Variants in CERCAM observed in about 807,000 individuals in gnomAD.
The protein encoded by CERCAM is cerebral endothelial cell adhesion molecule.
CERCAM carries 59 observed loss-of-function variants against 66.0 expected under a neutral mutation model. That is an observed-to-expected ratio of 0.89 (90% CI 0.73 to 1.11). CERCAM has a LOEUF of 1.11. Among genes scored for constraint, CERCAM ranks in the 50% most tolerant of loss-of-function variants. The probability of loss-of-function intolerance (pLI) is 0.00; values close to 1 mark genes in which losing one functional copy is unlikely to be tolerated. For synonymous variants in CERCAM, 318 were observed against 343.6 expected (o/e 0.93, Z 0.83); for missense variants, 840 against 828.3 (o/e 1.01, Z -0.17).
At chr9:128,424,763 CTCTTT>C in intron 5 of CERCAM, 149 bp downstream of exon 5, 5 of 665,120 alleles carry the variant, frequency 7.5e-6, no homozygotes, top group African/African-American at 7.4e-5. Flanking sequence ...TCTTTTCTCT[CTCTTT>C]TTTTTTTTTT....
chr9:128,428,515 T>G (rs1196062305), intron 6 of CERCAM, 94 bp downstream of exon 6: 3 of 1,474,858 alleles, frequency 2.0e-6, no homozygotes, highest in Non-Finnish European at 2.8e-6. Flanking sequence ...GAGCGGGCAT[T>G]GGCCTTGGGG....
rs955351819 is a variant in CERCAM, at chr9:128,422,865, C to T, written c.198-3C>T. The stretch of plus-strand genomic sequence containing the variant: ...CCTCAGCCTTTTTTCTTCCCGTCCC[C>T]AGGTGTGCCACGGACCACAATGTGG... On this transcript the variant is annotated splice_region_variant and splice_polypyrimidine_tract_variant and intron_variant, in intron 1 of 12. Coordinates refer to ENST00000372838, the MANE Select transcript of CERCAM (RefSeq NM_016174.5). 11 of 1,613,904 alleles carry T rather than the reference C, an allele frequency of 6.8e-6. No homozygotes were observed.
At chr9:128,427,305 G>A (rs1369363083) in intron 5 of CERCAM, among the ~76,000 whole-genome samples, 1 of 151,924 alleles carries the variant, frequency 6.6e-6, no homozygotes, top group Non-Finnish European at 1.5e-5. Context: ...TAGAGATGGG[G>A]TTTCACCATG....
intron 3 of CERCAM, chr9:128,423,910 G>A: frequency 1.9e-6 from 1 of 531,602 alleles, no homozygotes; most frequent in Non-Finnish European, 3.3e-6. Context: ...CCAGATAAAG[G>A]TCTTAGATCA....
chr9:128,431,115 C>A lies in CERCAM; in HGVS notation c.1071-56C>A, dbSNP rs552277968. The A allele has an allele frequency of 9.0e-5, 144 of 1,598,750 alleles. No homozygotes were observed. The African/African-American group carries it at 1.6e-3, about 18-fold the overall frequency. ...GTCCCCAACATGCACAGGCCTGGCCCCTCTGGAGGGGTCTCTGGCAGGCAC... is the reference window on the plus strand; with the variant it reads ...GTCCCCAACATGCACAGGCCTGGCCACTCTGGAGGGGTCTCTGGCAGGCAC... On this transcript the variant is annotated intron_variant, in intron 8 of 12. Coordinates refer to ENST00000372838, the MANE Select transcript of CERCAM (RefSeq NM_016174.5).
At chr9:128,426,889 C>G (rs557795027) in intron 5 of CERCAM, among the ~76,000 whole-genome samples, 1 of 152,160 alleles carries the variant, frequency 6.6e-6, no homozygotes, top group South Asian at 2.1e-4. Flanking sequence ...AGAAATCTTA[C>G]CAAGTGCAAA....
At chr9:128,425,391 A>G (rs1833820635) in intron 5 of CERCAM, among the ~76,000 whole-genome samples, 2 of 152,198 alleles carry the variant, frequency 1.3e-5, no homozygotes, top group South Asian at 4.1e-4. Context: ...GGGTATGGCC[A>G]GGCAAGGTGA....
chr9:128,437,138 C>A lies in CERCAM; in HGVS notation c.*290C>A, dbSNP rs908377831. ...CTTCTGTTTCAAGCTGGGCAGACCC[C>A]AGGATCCCTTCCCTCCCTAAGGACT... On this transcript the variant is annotated 3_prime_UTR_variant, in exon 13 of 13. Coordinates refer to ENST00000372838, the MANE Select transcript of CERCAM (RefSeq NM_016174.5). The A allele has an allele frequency of 6.6e-6, 1 of 152,450 alleles. No individual in the cohort carries two copies. Among genetic ancestry groups the A allele is most frequent in the Admixed American group, 6.6e-5 (1 of 15,218 alleles). 9.4% of individuals were successfully genotyped at this position (152,450 alleles called of 1,614,324 possible). A position where few individuals can be genotyped will look rare whatever the true frequency, so the allele number is the denominator to read the frequency against.
chr9:128,424,322 A>G, intron 4 of CERCAM, 50 bp downstream of exon 4: 1 of 1,612,320 alleles, frequency 6.2e-7, no homozygotes, highest in Non-Finnish European at 8.5e-7. Context: ...GGAAGGAGGG[A>G]CGTGGAGAGC....
At chr9:128,423,043 G>A in intron 2 of CERCAM, 65 bp downstream of exon 2, 1 of 1,611,338 alleles carries the variant, frequency 6.2e-7, no homozygotes, top group Non-Finnish European at 8.5e-7. Flanking sequence ...AGAGGAAAAG[G>A]GACAGCCCAG....
chr9:128,428,870 T>C (rs1274742814), intron 7 of CERCAM, 37 bp downstream of exon 7: 4 of 1,606,232 alleles, frequency 2.5e-6, no homozygotes, highest in Non-Finnish European at 3.4e-6. Context: ...TGTTAGGAGG[T>C]GGATGGGCCC....
chr9:128,430,781 T>C (rs187938870), intron 8 of CERCAM: 4,085 of 165,388 alleles, frequency 0.025, 185 homozygotes, highest in African/African-American at 0.091. Flanking sequence ...TTTGGGAGGC[T>C]GAGGTGGGTG....
rs3174220 is a variant in CERCAM at position 128,431,240 on chromosome 9, G to A, written c.1140G>A (p.Ser380=). The part of the protein sequence containing the change: ...DLLPGYQDPY[S]GRTLTKGEVG... ...TCCCGGGCTACCAGGACCCTTACTC[G>A]GGCCGCACTCTGACCAAGGGCGAGG... The change falls in exon 9 of 13, where the codon TCG becomes TCA. Residue 380 remains serine, a synonymous_variant. Coordinates refer to ENST00000372838, the MANE Select transcript of CERCAM (RefSeq NM_016174.5). 0.012 allele frequency: 19,053 copies of A among 1,613,936 alleles called. 1,831 individuals carry two copies. The African/African-American group carries it at 0.22, about 18-fold the overall frequency.
chr9:128,435,727 C>G lies in CERCAM; in HGVS notation c.1610C>G (p.Thr537Ser). The G allele has an allele frequency of 6.2e-7, 1 of 1,613,664 alleles. No homozygotes were observed. The change falls in exon 12 of 13, where the codon ACC (threonine) becomes AGC (serine). Residue 537 changes from threonine to serine, a missense_variant. Thr to Ser is a moderately conservative substitution (Grantham distance 58, BLOSUM62 1). Transcript: ENST00000372838. ...FSAQPLLAAP[T>S]HYAGDAEWLS... The stretch of plus-strand genomic sequence containing the variant: ...GCCCAGCCCCTGCTCGCTGCCCCTA[C>G]CCACTATGCCGGGGACGCCGAGTGG...
intron 1 of CERCAM, chr9:128,421,343 G>C: frequency 8.4e-7 from 1 of 1,193,440 alleles, no homozygotes; most frequent in Non-Finnish European, 1.0e-6. Context: ...GCCTTCCCTG[G>C]GTGTAGGTTG....
At chr9:128,423,338 T>A (rs1433187225) in intron 3 of CERCAM, 75 bp downstream of exon 3, 23 of 1,211,616 alleles carry the variant, frequency 1.9e-5, no homozygotes, top group Admixed American at 5.5e-5. Flanking sequence ...GGGTATAGGC[T>A]GGGTGCAGTG....
At chr9:128,429,790 A>ATT (rs1343447587) in intron 8 of CERCAM, among the ~76,000 whole-genome samples, 4 of 141,662 alleles carry the variant, frequency 2.8e-5, no homozygotes, top group South Asian at 2.3e-4. Flanking sequence ...ATTAAAAAGA[A>ATT]TTTTTTTTTT....
intron 1 of CERCAM, chr9:128,421,842 G>A (rs935061899): frequency 1.3e-5 from 2 of 152,328 alleles, no homozygotes; most frequent in Non-Finnish European, 2.9e-5. Flanking sequence ...CTGGCCTGGG[G>A]AGGCCGCCCA....
rs1317611142 is a variant in CERCAM at position 128,420,884 on chromosome 9, G to C, written c.7G>C (p.Ala3Pro). ...AGCCGCCCAAGCGCCCGCCATGCGCGCTGCCCGCGCCGCGCCGCTGCTCCA... is the reference window on the plus strand; with the variant it reads ...AGCCGCCCAAGCGCCCGCCATGCGCCCTGCCCGCGCCGCGCCGCTGCTCCA... MR[A>P]ARAAPLLQLL... Residue 3 changes from alanine to proline, a missense_variant, in exon 1 of 13, where the codon GCT becomes CCT. Ala to Pro is a conservative substitution (Grantham distance 27). Coordinates refer to ENST00000372838, the MANE Select transcript of CERCAM (RefSeq NM_016174.5). This position sits in a 1 kb window ranked among gnomAD's most constrained non-coding sequence, Gnocchi z 5.0. The C allele has an allele frequency of 7.7e-7, 1 of 1,293,850 alleles. No homozygotes were observed. The highest frequency in any genetic ancestry group is 9.8e-7 in the Non-Finnish European group (1 of 1,022,806). 80.1% of individuals were successfully genotyped at this position (1,293,850 alleles called of 1,614,324 possible). A position where few individuals can be genotyped will look rare whatever the true frequency, so the allele number is the denominator to read the frequency against.
Sources: allele counts gnomAD v4.1 joint callset (sites outside exome capture counted in the v4.1 genomes callset), GRCh38; gene constraint gnomAD v4.1.1; non-coding constraint Gnocchi (gnomAD v3.1); transcripts MANE v1.5; gene names NCBI Gene and HGNC (gene_info 2026-07-23, HGNC 2026-07-21).